Variants in PHACTR3 observed in about 807,000 individuals in gnomAD.
PHACTR3 encodes the protein protein phosphatase 1, regulatory subunit 123.
Under a neutral mutation model 66.8 loss-of-function variants are expected in PHACTR3, and 16 were observed. The ratio of observed to expected loss-of-function variants is 0.24; its 90% CI spans 0.16 to 0.36. The LOEUF (loss-of-function observed/expected upper bound fraction) is 0.36, where lower values mean the gene tolerates loss of function less well. Ranked by LOEUF, PHACTR3 falls within the 10% of genes least tolerant of loss-of-function variation. PHACTR3 has a pLI of 1.00. For missense variants in PHACTR3, 647 were observed against 719.9 expected, an observed-to-expected ratio of 0.90 and a Z score of 1.16; for synonymous variants, 323 against 292.1, an observed-to-expected ratio of 1.11 and a Z score of -1.08.
intron 1 of PHACTR3, among the ~76,000 whole-genome samples, chr20:59,615,035 C>T (rs2033983084): frequency 6.6e-6 from 1 of 152,116 alleles, no homozygotes; most frequent in Non-Finnish European, 1.5e-5. Flanking sequence ...ATCTGCCTGG[C>T]CCCTACCCCA....
chr20:59,834,295 G>A (rs1056540297), intron 8 of PHACTR3, among the ~76,000 whole-genome samples: 2 of 152,154 alleles, frequency 1.3e-5, no homozygotes, highest in Non-Finnish European at 2.9e-5. Flanking sequence ...GCAGCATGGG[G>A]GCCAGGAATC....
chr20:59,747,907 C>T, intron 3 of PHACTR3, 72 bp downstream of exon 3: 1 of 1,486,068 alleles, frequency 6.7e-7, no homozygotes, highest in Non-Finnish European at 9.3e-7. Flanking sequence ...TCACATGAGC[C>T]CAGGAAGCCC....
At chr20:59,785,906 A>C (rs6123938) in intron 7 of PHACTR3, among the ~76,000 whole-genome samples, 5 of 132,050 alleles carry the variant, frequency 3.8e-5, no homozygotes, top group African/African-American at 1.4e-4. Context: ...GGCCCTCTGC[A>C]TCCCCTGCTT....
At chr20:59,586,839 C>T (rs759014979) in intron 1 of PHACTR3, among the ~76,000 whole-genome samples, 4 of 152,250 alleles carry the variant, frequency 2.6e-5, no homozygotes, top group South Asian at 2.1e-4. Flanking sequence ...TGAGGAAAAC[C>T]GAGGCTGAAA....
In PHACTR3 at chr20:59,836,580, T is replaced by G; in HGVS notation, c.1384+20T>G. Reference sequence around the variant, plus strand: ...TGAAACGTGAGTAGCTGGTGATTCCTCTAGAGGTTTTCCTTCACGTGTGGT... The same window carrying G: ...TGAAACGTGAGTAGCTGGTGATTCCGCTAGAGGTTTTCCTTCACGTGTGGT... On this transcript the variant is annotated intron_variant, in intron 9 of 12. Coordinates refer to ENST00000371015, the MANE Select transcript of PHACTR3 (RefSeq NM_080672.5). 6.2e-7 allele frequency: 1 copy of G among 1,607,174 alleles called. No homozygotes were observed. Among genetic ancestry groups the G allele is most frequent in the Non-Finnish European group, 8.5e-7 (1 of 1,177,146 alleles).
At chr20:59,581,174 C>CAAGAA (rs2032845252) in intron 1 of PHACTR3, among the ~76,000 whole-genome samples, 1 of 152,232 alleles carries the variant, frequency 6.6e-6, no homozygotes, top group Non-Finnish European at 1.5e-5. Flanking sequence ...CACAGCTGTG[C>CAAGAA]CCACCTGACC....
At position 59,604,604 on chromosome 20, in the gene PHACTR3, TGGGGTGGGGGGA is replaced by T. The variant is rs1265153326; in HGVS notation, c.-407_-396del. ...CCTTTTTTCCTGGGGGGGTGGGGGG[TGGGGTGGGGGGA>T]GGGAGCGCCCCCAGACATTCCAGGA... On this transcript the variant is annotated 5_prime_UTR_variant, in exon 1 of 13. Coordinates refer to ENST00000371015, the MANE Select transcript of PHACTR3 (RefSeq NM_080672.5). 10 of 78,264 alleles carry T rather than the reference TGGGGTGGGGGGA, an allele frequency of 1.3e-4. No individual in the cohort carries two copies. The highest frequency in any genetic ancestry group is 1.5e-4 in the Non-Finnish European group (10 of 64,644). The allele number at this position is 78,264 out of a possible 1,614,324, so 4.8% of individuals were successfully genotyped here.
At chr20:59,657,015 T>G in intron 1 of PHACTR3, among the ~76,000 whole-genome samples, 1 of 152,026 alleles carries the variant, frequency 6.6e-6, no homozygotes, top group East Asian at 1.9e-4. Flanking sequence ...ATTATTACTT[T>G]ATATGAATTT....
intron 1 of PHACTR3, among the ~76,000 whole-genome samples, chr20:59,598,698 C>T (rs773277835): frequency 2.6e-5 from 4 of 152,134 alleles, no homozygotes; most frequent in Non-Finnish European, 5.9e-5. Flanking sequence ...GGTCACAGCT[C>T]TAGGTAGAGA....
chr20:59,780,588 G>A (rs989515269), intron 7 of PHACTR3, among the ~76,000 whole-genome samples: 2 of 152,110 alleles, frequency 1.3e-5, no homozygotes, highest in African/African-American at 2.4e-5. Context: ...CCTACCCCCC[G>A]AATACCATCA....
chr20:59,673,990 T>C (rs1231120852), intron 1 of PHACTR3, among the ~76,000 whole-genome samples: 3 of 152,076 alleles, frequency 2.0e-5, no homozygotes, highest in African/African-American at 7.2e-5. Flanking sequence ...GGCCAGGAAA[T>C]CCCGCGCTGG....
chr20:59,737,502 CTGTG>C lies in PHACTR3; in HGVS notation c.119-5602_119-5599del, dbSNP rs1194014265. ...TGCGTGCATGTGCGTGTGTGTGTGTCTGTGTGCGTGCATGTGTGCGTGTATGTGT... is the reference window on the plus strand; with the variant it reads ...TGCGTGCATGTGCGTGTGTGTGTGTCTGCGTGCATGTGTGCGTGTATGTGT... On this transcript the variant is annotated intron_variant, in intron 1 of 12. Coordinates refer to ENST00000371015, the MANE Select transcript of PHACTR3 (RefSeq NM_080672.5). 2.7e-5 allele frequency among the ~76,000 whole-genome samples: 4 copies of C among 147,790 alleles called. No homozygotes were observed. In the South Asian group the frequency reaches 6.6e-4, roughly 24 times the overall value.
chr20:59,674,208 G>A (rs969744912), intron 1 of PHACTR3, among the ~76,000 whole-genome samples: 1 of 146,466 alleles, frequency 6.8e-6, no homozygotes, highest in Admixed American at 6.9e-5. Flanking sequence ...AACTTGTCAA[G>A]ACAGCCTGTG....
intron 8 of PHACTR3, among the ~76,000 whole-genome samples, chr20:59,825,253 T>C (rs1421956370): frequency 6.6e-6 from 1 of 152,200 alleles, no homozygotes; most frequent in African/African-American, 2.4e-5. Context: ...TGGTGTCTCT[T>C]TCACAGGCTT....
chr20:59,669,353 G>A (rs533816523), intron 1 of PHACTR3, among the ~76,000 whole-genome samples: 2 of 152,126 alleles, frequency 1.3e-5, no homozygotes, highest in Admixed American at 6.5e-5. Context: ...AATCAGTGCC[G>A]CTTTTCCTCA....
chr20:59,638,490 A>G (rs374798715), intron 1 of PHACTR3, among the ~76,000 whole-genome samples: 4 of 139,646 alleles, frequency 2.9e-5, no homozygotes, highest in African/African-American at 5.3e-5. Flanking sequence ...GGATGGATGG[A>G]TGGATAGATT....
At chr20:59,638,774 G>T (rs1036933801) in intron 1 of PHACTR3, among the ~76,000 whole-genome samples, 1 of 145,476 alleles carries the variant, frequency 6.9e-6, no homozygotes, top group Admixed American at 6.9e-5. Context: ...GTAGATGGAC[G>T]GATGGATAAA....
chr20:59,831,194 C>T (rs2042362699), intron 8 of PHACTR3, among the ~76,000 whole-genome samples: 1 of 152,226 alleles, frequency 6.6e-6, no homozygotes, highest in Non-Finnish European at 1.5e-5. Context: ...AAATGACTCA[C>T]ATCCACACTT....
At chr20:59,585,151 G>A (rs773170929) in intron 1 of PHACTR3, among the ~76,000 whole-genome samples, 3 of 152,186 alleles carry the variant, frequency 2.0e-5, no homozygotes, top group Admixed American at 6.5e-5. Context: ...ACAGACTCAA[G>A]TTCTGTCACC....
Sources: allele counts gnomAD v4.1 joint callset (sites outside exome capture counted in the v4.1 genomes callset), GRCh38; gene constraint gnomAD v4.1.1; transcripts MANE v1.5; gene names NCBI Gene and HGNC (gene_info 2026-07-23, HGNC 2026-07-21).